The following SIPA1L3 variants were observed in gnomAD, a reference collection of about 807,000 sequenced individuals.
SIPA1L3 encodes signal induced proliferation associated 1 like 3.
In SIPA1L3, 59 loss-of-function variants were observed where a neutral mutation model predicts 150.1. The observed-to-expected ratio is 0.39, with a 90% CI of 0.32 to 0.49. The LOEUF is 0.49. Ranked by LOEUF, SIPA1L3 falls within the 20% of genes least tolerant of loss-of-function variation. The pLI, the probability that SIPA1L3 is intolerant of heterozygous loss-of-function variation, is 0.86. For synonymous variants in SIPA1L3, 1,070 were observed against 1,077.6 expected, an observed-to-expected ratio of 0.99 and a Z score of 0.14; for missense variants, 2,211 against 2,489.5, an observed-to-expected ratio of 0.89 and a Z score of 2.38.
intron 16 of SIPA1L3, among the ~76,000 whole-genome samples, chr19:38,184,018 G>T (rs1972622231): frequency 6.6e-6 from 1 of 152,140 alleles, no homozygotes; most frequent in Admixed American, 6.5e-5. Flanking sequence ...GAGGAGAGGG[G>T]TGTGCAGTTG....
intron 1 of SIPA1L3, among the ~76,000 whole-genome samples, chr19:37,996,037 C>T (rs1967632644): frequency 1.3e-5 from 2 of 152,114 alleles, no homozygotes; most frequent in African/African-American, 4.8e-5. Context: ...ACCTCAGCCT[C>T]CAAATAGCTA....
chr19:37,989,814 C>T (rs1001862664), intron 1 of SIPA1L3, among the ~76,000 whole-genome samples: 2 of 152,050 alleles, frequency 1.3e-5, no homozygotes, highest in Admixed American at 6.6e-5. Flanking sequence ...GGATTGCAGA[C>T]GTGAGCCACC....
intron 16 of SIPA1L3, among the ~76,000 whole-genome samples, chr19:38,189,540 C>T (rs1008946380): frequency 1.3e-5 from 2 of 152,028 alleles, no homozygotes; most frequent in East Asian, 3.9e-4. Context: ...CCGAGATGGG[C>T]GGACCACCTG....
chr19:37,930,524 G>C (rs1241233887), intron 1 of SIPA1L3, among the ~76,000 whole-genome samples: 1 of 152,112 alleles, frequency 6.6e-6, no homozygotes, highest in Non-Finnish European at 1.5e-5. Flanking sequence ...TCTATGAAGA[G>C]TGACCATCCC....
intron 1 of SIPA1L3, among the ~76,000 whole-genome samples, chr19:37,928,738 C>G (rs1311894589): frequency 6.6e-6 from 1 of 152,130 alleles, no homozygotes; most frequent in Non-Finnish European, 1.5e-5. Flanking sequence ...CCAGGAAGCA[C>G]GTTTTGAGAA....
chr19:38,164,620 G>C lies in SIPA1L3; in HGVS notation c.3922G>C (p.Asp1308His). Residue 1308 changes from aspartate (D) to histidine (H), a missense_variant, in exon 15 of 22, where the codon GAC (aspartate) becomes CAC (histidine). Transcript: ENST00000222345. This position sits in a 1 kb window ranked among gnomAD's most constrained non-coding sequence, Gnocchi z 4.1. ...CCCCCTCTCCAAGGGTGGCTCTAGT[G>C]ACAGCGGCATCGACACCACCCTCTA... ...QDPLSKGGSS[D>H]SGIDTTLYTS... 1 of 1,614,014 alleles carries C rather than the reference G, an allele frequency of 6.2e-7. No homozygotes were observed. Among genetic ancestry groups the C allele is most frequent in the South Asian group, 1.1e-5 (1 of 91,070 alleles).
At chr19:38,038,255 G>GAC (rs1968834402) in intron 2 of SIPA1L3, among the ~76,000 whole-genome samples, 1 of 152,120 alleles carries the variant, frequency 6.6e-6, no homozygotes, top group East Asian at 1.9e-4. Flanking sequence ...GTTCTGAGCA[G>GAC]ACACACACAG....
Position 38,207,089 on chromosome 19 carries a change from C to T in SIPA1L3, c.*849C>T, listed in dbSNP as rs1428249512. Reference sequence around the variant, plus strand: ...GTGGAGCCACCACACAGCCGACTCTCTCCTCCTCCTCCCGGCACGACCTGG... The same window carrying T: ...GTGGAGCCACCACACAGCCGACTCTTTCCTCCTCCTCCCGGCACGACCTGG... On this transcript the variant is annotated 3_prime_UTR_variant, in exon 22 of 22. Transcript: ENST00000222345. 6.6e-6 allele frequency: 1 copy of T among 152,276 alleles called. No homozygotes were observed. Among genetic ancestry groups the T allele is most frequent in the Non-Finnish European group, 1.5e-5 (1 of 68,160 alleles). 9.4% of individuals were successfully genotyped at this position (152,276 alleles called of 1,614,324 possible).
chr19:37,945,414 T>G (rs1256862997), intron 1 of SIPA1L3, among the ~76,000 whole-genome samples: 1 of 152,116 alleles, frequency 6.6e-6, no homozygotes. Context: ...TTTTTTGTAT[T>G]TTTTGTAGAG....
intron 2 of SIPA1L3, among the ~76,000 whole-genome samples, chr19:38,070,923 T>C (rs1311512584): frequency 6.6e-6 from 1 of 152,194 alleles, no homozygotes; most frequent in Non-Finnish European, 1.5e-5. Context: ...CATGTTTCCC[T>C]GAAAGGGAGA....
chr19:38,088,919 G>A, intron 4 of SIPA1L3, 68 bp downstream of exon 4: 5 of 1,561,622 alleles, frequency 3.2e-6, no homozygotes, highest in Admixed American at 1.7e-5. Context: ...CAGGTTCTGG[G>A]GGCAAACGCT....
chr19:37,939,580 T>A (rs948302694), intron 1 of SIPA1L3, among the ~76,000 whole-genome samples: 2 of 152,154 alleles, frequency 1.3e-5, no homozygotes, highest in African/African-American at 4.8e-5. Context: ...CTCCACCACC[T>A]GTATCCTGCC....
rs1973238085 is a variant in SIPA1L3, at chr19:38,207,185, G to A, written c.*945G>A. On this transcript the variant is annotated 3_prime_UTR_variant, in exon 22 of 22. Coordinates refer to ENST00000222345, the MANE Select transcript of SIPA1L3 (RefSeq NM_015073.3). ...CCGAAGCCCTCAGGACAGGGCTGGA[G>A]GAGAACAGCCTTCATCTCCTCCTCT... 1 of 151,912 alleles carries A rather than the reference G, an allele frequency of 6.6e-6. No homozygotes were observed. Among genetic ancestry groups the A allele is most frequent in the Non-Finnish European group, 1.5e-5 (1 of 67,994 alleles). 9.4% of individuals were successfully genotyped at this position (151,912 alleles called of 1,614,324 possible).
intron 1 of SIPA1L3, among the ~76,000 whole-genome samples, chr19:37,919,904 T>G (rs1334407404): frequency 6.6e-6 from 1 of 151,714 alleles, no homozygotes; most frequent in Non-Finnish European, 1.5e-5. Flanking sequence ...GAGATGGGGA[T>G]TCTCCATGTT....
chr19:38,135,809 T>C (rs993724154), intron 10 of SIPA1L3, among the ~76,000 whole-genome samples: 1 of 152,072 alleles, frequency 6.6e-6, no homozygotes, highest in African/African-American at 2.4e-5. Flanking sequence ...GTAGCTGACC[T>C]CATTTGCAGA....
intron 13 of SIPA1L3, among the ~76,000 whole-genome samples, chr19:38,155,496 A>G (rs1273070873): frequency 6.6e-6 from 1 of 152,246 alleles, no homozygotes; most frequent in Non-Finnish European, 1.5e-5. Flanking sequence ...ACTCAGATGA[A>G]TATTTTAAAC....
intron 9 of SIPA1L3, among the ~76,000 whole-genome samples, chr19:38,122,050 A>C (rs561601570): frequency 5.0e-4 from 76 of 151,098 alleles, no homozygotes; most frequent in Non-Finnish European, 9.5e-4. Context: ...GTAAAACCTC[A>C]TCTCTACTAA....
intron 15 of SIPA1L3, among the ~76,000 whole-genome samples, chr19:38,178,667 A>G (rs1972497015): frequency 1.3e-5 from 2 of 151,992 alleles, no homozygotes; most frequent in African/African-American, 4.8e-5. Flanking sequence ...TAGTAGAGAC[A>G]GGGTTTCACT....
At chr19:38,136,303 TC>T (rs1971435920) in intron 10 of SIPA1L3, among the ~76,000 whole-genome samples, 1 of 150,880 alleles carries the variant, frequency 6.6e-6, no homozygotes, top group South Asian at 2.1e-4. Flanking sequence ...ATCATTTTAA[TC>T]CTTAAAAAAA....
Sources: allele counts gnomAD v4.1 joint callset (sites outside exome capture counted in the v4.1 genomes callset), GRCh38; gene constraint gnomAD v4.1.1; non-coding constraint Gnocchi (gnomAD v3.1); transcripts MANE v1.5; gene names NCBI Gene and HGNC (gene_info 2026-07-23, HGNC 2026-07-21).